Variants in PDE4D observed in about 807,000 individuals in gnomAD.
PDE4D encodes phosphodiesterase 4D, also known as 3',5'-cyclic-AMP phosphodiesterase 4D.
Under a neutral mutation model 87.4 loss-of-function variants are expected in PDE4D, and 24 were observed. The observed-to-expected ratio is 0.27, with a 90% CI of 0.20 to 0.39. The LOEUF (loss-of-function observed/expected upper bound fraction) is 0.39. Among genes scored for constraint, PDE4D ranks in the 10% least tolerant of loss-of-function variants. PDE4D has a pLI of 1.00. For missense variants in PDE4D, 714 were observed against 1,041.0 expected (o/e 0.69, Z 4.32); for synonymous variants, 384 against 383.2 (o/e 1.00, Z -0.02).
intron 1 of PDE4D, among the ~76,000 whole-genome samples, chr5:60,319,009 T>G (rs898906681): frequency 1.3e-5 from 2 of 152,220 alleles, no homozygotes; most frequent in Non-Finnish European, 2.9e-5. Context: ...TTTTCTGTAT[T>G]TCCTGAATTT....
chr5:59,238,902 G>C (rs1161288738), intron 1 of PDE4D, among the ~76,000 whole-genome samples: 1 of 152,170 alleles, frequency 6.6e-6, no homozygotes, highest in African/African-American at 2.4e-5. Context: ...GTGTCCTTGG[G>C]AATAACTAGA....
intron 1 of PDE4D, among the ~76,000 whole-genome samples, chr5:59,740,278 A>G (rs1411198416): frequency 6.6e-6 from 1 of 152,182 alleles, no homozygotes; most frequent in Non-Finnish European, 1.5e-5. Flanking sequence ...AAGTGCCCAC[A>G]TGTTCAAAAT....
chr5:59,540,570 C>A (rs1816148623), intron 1 of PDE4D, among the ~76,000 whole-genome samples: 1 of 152,082 alleles, frequency 6.6e-6, no homozygotes, highest in African/African-American at 2.4e-5. Context: ...ATGATGACAG[C>A]GTAGCCCTTT....
chr5:59,306,353 C>T (rs1771361299), intron 1 of PDE4D, among the ~76,000 whole-genome samples: 1 of 152,170 alleles, frequency 6.6e-6, no homozygotes, highest in East Asian at 1.9e-4. Flanking sequence ...TGCAGTTCTG[C>T]ATCTTTTAAG....
At chr5:60,418,265 C>T (rs1249117509) in intron 1 of PDE4D, among the ~76,000 whole-genome samples, 1 of 152,180 alleles carries the variant, frequency 6.6e-6, no homozygotes, top group East Asian at 1.9e-4. Flanking sequence ...ATTTGAAAGA[C>T]ACGAGTTCAA....
At chr5:59,359,134 G>A (rs1367122360) in intron 1 of PDE4D, among the ~76,000 whole-genome samples, 1 of 152,174 alleles carries the variant, frequency 6.6e-6, no homozygotes, top group African/African-American at 2.4e-5. Context: ...ATCTGCTAGG[G>A]AATGTCCAAC....
chr5:60,279,932 G>A lies in PDE4D; in HGVS notation c.-89-94245C>T, dbSNP rs533513889. ...CCTGACCTGATGATCCGCCCGCCTCGGCCTCCCAAAGTGCTGGGATTACAG... is the reference window on the plus strand; with the variant it reads ...CCTGACCTGATGATCCGCCCGCCTCAGCCTCCCAAAGTGCTGGGATTACAG... On this transcript the variant is annotated intron_variant, in intron 1 of 16. Transcript: ENST00000502484. Among the ~76,000 whole-genome samples, 21 of 151,888 alleles carry A rather than the reference G, an allele frequency of 1.4e-4. No homozygotes were observed. In the South Asian group the frequency reaches 2.7e-3, roughly 20 times the overall value.
At chr5:59,285,929 T>C (rs1228278626) in intron 1 of PDE4D, among the ~76,000 whole-genome samples, 1 of 152,186 alleles carries the variant, frequency 6.6e-6, no homozygotes, top group Non-Finnish European at 1.5e-5. Flanking sequence ...GAGCCACTAC[T>C]AAGTGTTGTC....
intron 1 of PDE4D, among the ~76,000 whole-genome samples, chr5:59,378,056 A>T (rs1161753798): frequency 2.0e-5 from 3 of 151,664 alleles, no homozygotes; most frequent in Non-Finnish European, 4.4e-5. Flanking sequence ...TAGACTGGAT[A>T]AAAAAAAATG....
chr5:59,061,605 G>A (rs1406727703), intron 5 of PDE4D, among the ~76,000 whole-genome samples: 1 of 151,986 alleles, frequency 6.6e-6, no homozygotes, highest in African/African-American at 2.4e-5. Flanking sequence ...TTCATAAATT[G>A]CTCCAGCATC....
At chr5:60,377,956 G>A (rs1761555000) in intron 1 of PDE4D, among the ~76,000 whole-genome samples, 2 of 152,180 alleles carry the variant, frequency 1.3e-5, no homozygotes, top group Admixed American at 6.5e-5. Flanking sequence ...CAACATTAAT[G>A]TCTCTTTCTG....
At chr5:59,848,441 C>A (rs1488441896) in intron 1 of PDE4D, among the ~76,000 whole-genome samples, 1 of 152,000 alleles carries the variant, frequency 6.6e-6, no homozygotes, top group Non-Finnish European at 1.5e-5. Flanking sequence ...AATATACACA[C>A]ACATATATTA....
intron 6 of PDE4D, among the ~76,000 whole-genome samples, chr5:59,019,222 T>A (rs1281784926): frequency 1.3e-5 from 2 of 151,966 alleles, no homozygotes; most frequent in African/African-American, 4.8e-5. Context: ...TCCTACTCAT[T>A]CCTCTCTTTT....
chr5:59,094,544 G>A (rs1047587040), intron 5 of PDE4D, among the ~76,000 whole-genome samples: 9 of 151,950 alleles, frequency 5.9e-5, no homozygotes, highest in South Asian at 2.1e-4. Context: ...GGTCTATTGC[G>A]TGCCCAGGGC....
chr5:59,933,792 T>TATATATATATATATATATATATA (rs1561879282), intron 3 of PDE4D, among the ~76,000 whole-genome samples: 13 of 99,418 alleles, frequency 1.3e-4, no homozygotes, highest in African/African-American at 5.8e-4. Flanking sequence ...ATATATATAT[T>TATATATATATATATATATATATA]AATAAGCATT....
intron 1 of PDE4D, among the ~76,000 whole-genome samples, chr5:59,729,936 A>G (rs1757143806): frequency 6.6e-6 from 1 of 152,084 alleles, no homozygotes; most frequent in South Asian, 2.1e-4. Flanking sequence ...CAAATGTACA[A>G]AATAGCCCCA....
intron 2 of PDE4D, among the ~76,000 whole-genome samples, chr5:59,992,370 T>C (rs1385353622): frequency 2.0e-5 from 3 of 152,218 alleles, no homozygotes; most frequent in Admixed American, 2.0e-4. Flanking sequence ...CCGCCTATTG[T>C]GGGACTTCAC....
chr5:59,641,372 T>A (rs562936887), intron 1 of PDE4D, among the ~76,000 whole-genome samples: 1 of 152,296 alleles, frequency 6.6e-6, no homozygotes, highest in Admixed American at 6.5e-5. Context: ...AATGAACATA[T>A]CCATCACTCC....
At position 59,976,069 on chromosome 5, in the gene PDE4D, G is replaced by A. The variant is rs150605211; in HGVS notation, c.272+12419C>T. On this transcript the variant is annotated intron_variant, in intron 3 of 16. Coordinates refer to the PDE4D transcript ENST00000502484. ...GTTTTGTCTTGTTGAGCCTTGGGTC[G>A]CCAGTGCATACCTCAGTATACAGCA... is the stretch of plus-strand genomic sequence containing the variant. Among the ~76,000 whole-genome samples the A allele has an allele frequency of 4.2e-3, 632 of 152,184 alleles. 4 individuals carry two copies. Among genetic ancestry groups the A allele is most frequent in the African/African-American group, 0.014 (591 of 41,522 alleles).
Sources: gnomAD v4.1 joint callset for allele counts (sites outside exome capture counted in the v4.1 genomes callset) on GRCh38, gnomAD v4.1.1 for gene constraint, MANE v1.5 for transcripts, NCBI Gene and HGNC (gene_info 2026-07-23, HGNC 2026-07-21) for gene names.